The following CCL15 variants were observed in gnomAD, a reference collection of about 807,000 sequenced individuals.
CCL15 encodes the protein C-C motif chemokine ligand 15.
CCL15 carries 8 observed loss-of-function variants against 10.6 expected under a neutral mutation model. The ratio of observed to expected loss-of-function variants is 0.75; its 90% CI spans 0.44 to 1.36. CCL15 has a LOEUF of 1.36. Ranked by LOEUF, CCL15 falls within the 40% of genes most tolerant of loss-of-function variation. CCL15 has a pLI of 0.00. For missense variants in CCL15, 128 were observed against 136.6 expected (o/e 0.94, Z 0.32); for synonymous variants, 51 against 48.8 (o/e 1.04, Z -0.19).
At chr17:35,999,003 A>T in intron 1 of CCL15, 78 bp from the exon 2 acceptor site, 1 of 1,183,254 alleles carries the variant, frequency 8.5e-7, no homozygotes, top group South Asian at 1.2e-5. Flanking sequence ...CCCATTGCTC[A>T]TCCTCCTCCT....
intron 1 of CCL15, 92 bp downstream of exon 1, chr17:36,001,325 G>T: frequency 6.7e-7 from 1 of 1,503,636 alleles, no homozygotes; most frequent in Non-Finnish European, 9.2e-7. Flanking sequence ...CCATAACCAT[G>T]TCTGGGCTGG....
At position 36,001,403 on chromosome 17, in the gene CCL15, C is replaced by G. The variant is rs773429536; in HGVS notation, c.76+14G>C. On this transcript the variant is annotated intron_variant, in intron 1 of 3. Coordinates refer to ENST00000617897, the MANE Select transcript of CCL15 (RefSeq NM_032965.6). ...ATGGACCTGGTCACCTGGGAGAAAG[C>G]TCACTGGACTCACCATTTGTGAACT... 1 of 1,614,022 alleles carries G rather than the reference C, an allele frequency of 6.2e-7. No individual in the cohort carries two copies. The highest frequency in any genetic ancestry group is 2.2e-5 in the East Asian group (1 of 44,882).
chr17:36,001,011 T>C (rs1256717070), intron 1 of CCL15, among the ~76,000 whole-genome samples: 1 of 152,238 alleles, frequency 6.6e-6, no homozygotes, highest in Non-Finnish European at 1.5e-5. Flanking sequence ...ACAGTGATCT[T>C]GGGTGAGTCA....
chr17:35,999,461 C>CTTT (rs780201447), intron 1 of CCL15, among the ~76,000 whole-genome samples: 1 of 139,794 alleles, frequency 7.2e-6, no homozygotes, highest in Non-Finnish European at 1.6e-5. Context: ...GTATGTATTA[C>CTTT]TTTTTTTTTT....
In CCL15 at chr17:35,997,598, T is replaced by C. The variant is rs897905144; in HGVS notation, c.*169A>G. The C allele has an allele frequency of 5.4e-6, 3 of 553,474 alleles. No individual in the cohort carries two copies. The South Asian group carries it at 7.7e-5, about 14-fold the overall frequency. 34.3% of individuals were successfully genotyped at this position (553,474 alleles called of 1,614,324 possible). ...AGCAGTTGCTTCAGTTTTATATTAG[T>C]TTATTTCCTCTTAAAACTCAAGCAA... is the stretch of plus-strand genomic sequence containing the variant. On this transcript the variant is annotated 3_prime_UTR_variant, in exon 4 of 4. Transcript: ENST00000617897.
chr17:35,998,945 G>C lies in CCL15; in HGVS notation c.77-20C>G. 6.2e-7 allele frequency: 1 copy of C among 1,606,604 alleles called. No individual in the cohort carries two copies. Among genetic ancestry groups the C allele is most frequent in the Non-Finnish European group, 8.5e-7 (1 of 1,173,078 alleles). On this transcript the variant is annotated intron_variant, in intron 1 of 3. Coordinates refer to ENST00000617897, the MANE Select transcript of CCL15 (RefSeq NM_032965.6). Reference sequence around the variant, plus strand: ...CTGCATCTGAAAGAAACAGTACAGGGAAGGAAATCACTGGGTGGCAGCAGT... The same window carrying C: ...CTGCATCTGAAAGAAACAGTACAGGCAAGGAAATCACTGGGTGGCAGCAGT...
At position 35,998,343 on chromosome 17, in the gene CCL15, A is replaced by T; in HGVS notation, c.185T>A (p.Ile62Asn). ...DCCTSYISQS[I>N]PCSLMKSYFE... ...ATAACTTTTCATGAGTGAACACGGG[A>T]TGCTTTGTGAGATGTAGGAGGTGCA... is the stretch of plus-strand genomic sequence containing the variant. Residue 62 changes from isoleucine to asparagine, a missense_variant, in exon 3 of 4, where the codon ATC becomes AAC. Coordinates refer to ENST00000617897, the MANE Select transcript of CCL15 (RefSeq NM_032965.6). The T allele has an allele frequency of 6.2e-7, 1 of 1,614,188 alleles. No homozygotes were observed. Among genetic ancestry groups the T allele is most frequent in the South Asian group, 1.1e-5 (1 of 91,066 alleles).
chr17:36,001,137 C>T (rs1236831327), intron 1 of CCL15, among the ~76,000 whole-genome samples: 1 of 152,136 alleles, frequency 6.6e-6, no homozygotes, highest in Non-Finnish European at 1.5e-5. Flanking sequence ...AATTTAATTA[C>T]AGTTCTTTTG....
At chr17:36,000,288 C>G (rs369987549) in intron 1 of CCL15, among the ~76,000 whole-genome samples, 79 of 151,950 alleles carry the variant, frequency 5.2e-4, no homozygotes, top group African/African-American at 1.9e-3. Flanking sequence ...ATGGTGAAAC[C>G]CCGCCTCTAC....
intron 1 of CCL15, among the ~76,000 whole-genome samples, chr17:36,000,008 G>A (rs1000482890): frequency 4.6e-5 from 7 of 151,384 alleles, no homozygotes; most frequent in East Asian, 2.0e-4. Context: ...AAAATTAGCC[G>A]GGCGTGGTGG....
In CCL15 at chr17:35,998,377, C is replaced by G; in HGVS notation, c.151G>C (p.Ala51Pro). The change falls in exon 3 of 4, where the codon GCT becomes CCT. Residue 51 changes from alanine (A) to proline (P), a missense_variant. Ala to Pro is a conservative substitution (Grantham distance 27). Coordinates refer to ENST00000617897, the MANE Select transcript of CCL15 (RefSeq NM_032965.6). Reference protein sequence around the residue: ...PVVLNSFHFAADCCTSYISQS... With the variant: ...PVVLNSFHFAPDCCTSYISQS... ...GAGATGTAGGAGGTGCAGCAGTCAG[C>G]AGCAAAGTGAAAGCCTGCAGCAAGA... 1 of 1,613,484 alleles carries G rather than the reference C, an allele frequency of 6.2e-7. No homozygotes were observed. Among genetic ancestry groups the G allele is most frequent in the Non-Finnish European group, 8.5e-7 (1 of 1,179,476 alleles).
chr17:35,999,289 A>G (rs1290668569), intron 1 of CCL15, among the ~76,000 whole-genome samples: 1 of 152,174 alleles, frequency 6.6e-6, no homozygotes, highest in Non-Finnish European at 1.5e-5. Flanking sequence ...GAGAGGTTTT[A>G]TCAGCGTTTA....
chr17:35,997,753 T>C lies in CCL15; in HGVS notation c.*14A>G, dbSNP rs1475836767. On this transcript the variant is annotated 3_prime_UTR_variant, in exon 4 of 4. Transcript: ENST00000617897. Reference sequence around the variant, plus strand: ...GTTGGAGGTGGGTGGCTGGCCTCTTTTGTCTCTTTATTATTATATTGAGTA... The same window carrying C: ...GTTGGAGGTGGGTGGCTGGCCTCTTCTGTCTCTTTATTATTATATTGAGTA... The C allele has an allele frequency of 3.2e-6, 5 of 1,580,952 alleles. No homozygotes were observed. Among genetic ancestry groups the C allele is most frequent in the Non-Finnish European group, 3.5e-6 (4 of 1,150,092 alleles).
intron 1 of CCL15, among the ~76,000 whole-genome samples, chr17:35,999,150 ACT>A (rs1417162456): frequency 6.6e-6 from 1 of 152,116 alleles, no homozygotes; most frequent in Admixed American, 6.6e-5. Flanking sequence ...CTTTGTATTG[ACT>A]CTGAAATACT....
At chr17:36,000,898 C>T (rs1277374128) in intron 1 of CCL15, among the ~76,000 whole-genome samples, 1 of 152,142 alleles carries the variant, frequency 6.6e-6, no homozygotes, top group African/African-American at 2.4e-5. Flanking sequence ...GGTGTACCTC[C>T]TTCTCTTGGG....
chr17:35,997,786 A>T lies in CCL15; in HGVS notation c.323T>A (p.Leu108Gln). The T allele has an allele frequency of 6.2e-7, 1 of 1,613,548 alleles. No homozygotes were observed. The highest frequency in any genetic ancestry group is 1.3e-5 in the African/African-American group (1 of 75,036). ...GPGVQDCMKKLKPYSI is the reference protein window; with the variant it reads ...GPGVQDCMKKQKPYSI ...TTATTATTATATTGAGTAGGGCTTC[A>T]GCTTTTTCATGCAATCCTGAACTCC... is the stretch of plus-strand genomic sequence containing the variant. The change falls in exon 4 of 4, where the codon CTG becomes CAG. Residue 108 changes from leucine (L) to glutamine (Q), a missense_variant. Transcript: ENST00000617897.
intron 1 of CCL15, among the ~76,000 whole-genome samples, chr17:36,000,408 A>T (rs2089979252): frequency 6.8e-6 from 1 of 146,606 alleles, no homozygotes; most frequent in African/African-American, 2.6e-5. Context: ...GCTTTCAGTG[A>T]TCCGAGATCG....
chr17:35,997,847 T>A lies in CCL15; in HGVS notation c.262A>T (p.Lys88Ter). ...SKPGVIFLTK[K>*]GRQVCAKPSG... ...GGTTTGGCACAGACTTGCCGCCCCT[T>A]CTTGGTGAGGAATCTGGGGAACAAG... Residue 88 changes from lysine to a stop codon, truncating the protein, a stop_gained, in exon 4 of 4, where the codon AAG becomes TAG. Transcript: ENST00000617897. LOFTEE classifies it low-confidence loss of function (END_TRUNC). The A allele has an allele frequency of 6.2e-7, 1 of 1,613,840 alleles. No individual in the cohort carries two copies. Among genetic ancestry groups the A allele is most frequent in the Non-Finnish European group, 8.5e-7 (1 of 1,179,736 alleles).
intron 2 of CCL15, 64 bp downstream of exon 2, chr17:35,998,802 A>G: frequency 8.2e-7 from 1 of 1,219,946 alleles, no homozygotes; most frequent in Non-Finnish European, 1.2e-6. Flanking sequence ...GGGACAATGG[A>G]TCCCATAGTG....
Sources: gnomAD v4.1 joint callset for allele counts (sites outside exome capture counted in the v4.1 genomes callset) on GRCh38, gnomAD v4.1.1 for gene constraint, MANE v1.5 for transcripts, NCBI Gene and HGNC (gene_info 2026-07-23, HGNC 2026-07-21) for gene names.